The following KIF3C variants were observed in gnomAD, a reference collection of about 807,000 sequenced individuals.
KIF3C encodes kinesin-like protein KIF3C.
KIF3C carries 12 observed loss-of-function variants against 67.7 expected under a neutral mutation model. That is an observed-to-expected ratio of 0.18 (90% CI 0.11 to 0.29). The LOEUF is 0.29. Among genes scored for constraint, KIF3C ranks in the 10% least tolerant of loss-of-function variants. KIF3C has a pLI of 1.00. For synonymous variants in KIF3C, 393 were observed against 426.2 expected, an observed-to-expected ratio of 0.92 and a Z score of 0.96; for missense variants, 789 against 1,059.6, an observed-to-expected ratio of 0.74 and a Z score of 3.55.
Position 25,928,692 on chromosome 2 carries a change from C to T in KIF3C, c.*286G>A, listed in dbSNP as rs968941961. ...AGCCTGAGATCTGACTGGGGGAGCT[C>T]TCAAGTCAGAAGAAAAAGAGGCTAC... is the stretch of plus-strand genomic sequence containing the variant. On this transcript the variant is annotated 3_prime_UTR_variant, in exon 8 of 8. Transcript: ENST00000264712. The T allele has an allele frequency of 2.6e-5, 7 of 273,880 alleles. No individual in the cohort carries two copies. The highest frequency in any genetic ancestry group is 4.2e-5 in the Non-Finnish European group (6 of 143,608). The allele number at this position is 273,880 out of a possible 1,614,324, so 17.0% of individuals were successfully genotyped here. A position where few individuals can be genotyped will look rare whatever the true frequency, so the allele number is the denominator to read the frequency against.
intron 5 of KIF3C, among the ~76,000 whole-genome samples, chr2:25,947,574 G>A (rs1323073958): frequency 6.7e-6 from 1 of 149,814 alleles, no homozygotes; most frequent in East Asian, 1.9e-4. Flanking sequence ...GAGCGAGACT[G>A]CCTCAAAAAA....
In KIF3C at chr2:25,949,300, G is replaced by A. The variant is rs146617740; in HGVS notation, c.2006+2489C>T. On this transcript the variant is annotated intron_variant, in intron 5 of 7. Coordinates refer to ENST00000264712, the MANE Select transcript of KIF3C (RefSeq NM_002254.8). Reference sequence around the variant, plus strand: ...AAATAAAAAGCTGACGTGGCCAGGCGCAGTGGCTCACGCCTGTAATCCTAG... The same window carrying A: ...AAATAAAAAGCTGACGTGGCCAGGCACAGTGGCTCACGCCTGTAATCCTAG... Among the ~76,000 whole-genome samples, 203 of 152,196 alleles carry A rather than the reference G, an allele frequency of 1.3e-3. 3 individuals carry two copies. The East Asian group carries it at 0.034, about 26-fold the overall frequency.
intron 1 of KIF3C, among the ~76,000 whole-genome samples, chr2:25,960,502 C>T (rs978096002): frequency 4.6e-5 from 7 of 152,146 alleles, no homozygotes; most frequent in Admixed American, 4.6e-4. Context: ...TTTACATGCT[C>T]TCTCGCCTGT....
rs1663863098 is a variant in KIF3C, at chr2:25,958,467, G to C, written c.1546-2023C>G. Among the ~76,000 whole-genome samples the C allele has an allele frequency of 6.6e-6, 1 of 152,104 alleles. No homozygotes were observed. Among genetic ancestry groups the C allele is most frequent in the South Asian group, 2.1e-4 (1 of 4,824 alleles). On this transcript the variant is annotated intron_variant, in intron 1 of 7. Coordinates refer to ENST00000264712, the MANE Select transcript of KIF3C (RefSeq NM_002254.8). The surrounding 1 kb of genome is among the most constrained non-coding windows in gnomAD (Gnocchi z 4.5). ...GTGGTGGCGTGCACCTGTAGTCCTA[G>C]ATACTCAGGAGGCTGAGGCAGGAGA...
At chr2:25,971,271 C>CA (rs35420433) in intron 1 of KIF3C, among the ~76,000 whole-genome samples, 769 of 59,126 alleles carry the variant, frequency 0.013, 6 homozygotes, top group Middle Eastern at 0.034. Context: ...GACTCTGTCT[C>CA]AAAAAAAAAA....
chr2:25,962,930 T>TATATATA (rs1664011719), intron 1 of KIF3C, among the ~76,000 whole-genome samples: 1 of 41,666 alleles, frequency 2.4e-5, no homozygotes, highest in Non-Finnish European at 3.4e-5. Context: ...TAATATATAA[T>TATATATA]ACATATAATA....
chr2:25,947,853 T>C (rs924306349), intron 5 of KIF3C, among the ~76,000 whole-genome samples: 12 of 152,186 alleles, frequency 7.9e-5, no homozygotes, highest in Middle Eastern at 3.2e-3. Flanking sequence ...TTGTTTGCAA[T>C]TGAAGTAAGG....
Position 25,981,562 on chromosome 2 carries a change from A to G in KIF3C, c.356T>C (p.Val119Ala). The change falls in exon 1 of 8, where the codon GTC (valine) becomes GCC (alanine). Residue 119 changes from valine to alanine, a missense_variant. Physicochemically the swap from Val to Ala is moderately conservative, Grantham distance 64 (BLOSUM62 0). Coordinates refer to ENST00000264712, the MANE Select transcript of KIF3C (RefSeq NM_002254.8). This position sits in a 1 kb window ranked among gnomAD's most constrained non-coding sequence, Gnocchi z 8.2. Reference sequence around the variant, plus strand: ...GATGTGCTCAAAGGCATTCGGGATGACCCCGCGCAGCTCGGGCTCCACCCA... The same window carrying G: ...GATGTGCTCAAAGGCATTCGGGATGGCCCCGCGCAGCTCGGGCTCCACCCA... ...GTWVEPELRG[V>A]IPNAFEHIFT... is the part of the protein sequence containing the mutation. The G allele has an allele frequency of 6.2e-7, 1 of 1,613,830 alleles. No individual in the cohort carries two copies. The highest frequency in any genetic ancestry group is 8.5e-7 in the Non-Finnish European group (1 of 1,179,988).
chr2:25,933,240 G>C (rs538975870), intron 5 of KIF3C, among the ~76,000 whole-genome samples: 2 of 148,298 alleles, frequency 1.3e-5, no homozygotes, highest in South Asian at 4.3e-4. Context: ...GACAGAGTGA[G>C]ACTCTGCAAG....
intron 1 of KIF3C, among the ~76,000 whole-genome samples, chr2:25,979,098 G>A (rs1664491865): frequency 1.3e-5 from 2 of 152,168 alleles, no homozygotes; most frequent in South Asian, 2.1e-4. Flanking sequence ...TTCCTGAGAA[G>A]GAATAAGAAA....
chr2:25,942,272 C>T (rs1358274585), intron 5 of KIF3C, among the ~76,000 whole-genome samples: 7 of 145,698 alleles, frequency 4.8e-5, no homozygotes, highest in East Asian at 2.2e-4. Flanking sequence ...GCAGGAGAAT[C>T]GCTTGAGCCT....
intron 1 of KIF3C, among the ~76,000 whole-genome samples, chr2:25,959,356 A>C (rs1663888114): frequency 2.6e-5 from 4 of 152,086 alleles, no homozygotes; most frequent in Admixed American, 2.6e-4. Context: ...TCTTACTCAT[A>C]TCTCTGGGTC....
intron 4 of KIF3C, 145 bp from the exon 5 acceptor site, chr2:25,952,050 G>C (rs1293816919): frequency 2.8e-5 from 17 of 607,234 alleles, no homozygotes; most frequent in South Asian, 1.9e-4. Flanking sequence ...CCAGCACTTT[G>C]GGAGACCAAG....
At chr2:25,940,408 T>C (rs1663251206) in intron 5 of KIF3C, among the ~76,000 whole-genome samples, 1 of 151,676 alleles carries the variant, frequency 6.6e-6, no homozygotes, top group Non-Finnish European at 1.5e-5. Context: ...CCATCTCTAC[T>C]AAAAATACAA....
chr2:25,962,398 A>T (rs1663968433), intron 1 of KIF3C, among the ~76,000 whole-genome samples: 1 of 151,528 alleles, frequency 6.6e-6, no homozygotes, highest in Non-Finnish European at 1.5e-5. Flanking sequence ...TGTTTTTTTG[A>T]GACGGAGTTT....
In KIF3C at chr2:25,980,329, C is replaced by T. The variant is rs1403287340; in HGVS notation, c.1545+44G>A. The T allele has an allele frequency of 6.6e-7, 1 of 1,510,546 alleles. No homozygotes were observed. The highest frequency in any genetic ancestry group is 2.3e-5 in the East Asian group (1 of 44,298). The allele number at this position is 1,510,546 out of a possible 1,614,324, so 93.6% of individuals were successfully genotyped here. A position where few individuals can be genotyped will look rare whatever the true frequency, so the allele number is the denominator to read the frequency against. ...AAGAAGAGCCTCCTTGCCGGGATCC[C>T]CTGCGGGGACATCTCGAGTGCCCAG... On this transcript the variant is annotated intron_variant, in intron 1 of 7. Coordinates refer to ENST00000264712, the MANE Select transcript of KIF3C (RefSeq NM_002254.8). This position sits in a 1 kb window ranked among gnomAD's most constrained non-coding sequence, Gnocchi z 7.6.
chr2:25,945,985 T>C (rs1437843070), intron 5 of KIF3C, among the ~76,000 whole-genome samples: 1 of 150,384 alleles, frequency 6.6e-6, no homozygotes, highest in Non-Finnish European at 1.5e-5. Flanking sequence ...TGGTGGTGGG[T>C]GCCTGTAATC....
chr2:25,929,354 T>C lies in KIF3C; in HGVS notation c.2239A>G (p.Ser747Gly). The C allele has an allele frequency of 2.5e-6, 4 of 1,614,198 alleles. No individual in the cohort carries two copies. Among genetic ancestry groups the C allele is most frequent in the Non-Finnish European group, 3.4e-6 (4 of 1,180,020 alleles). Residue 747 changes from serine to glycine, a missense_variant, in exon 7 of 8, where the codon AGC becomes GGC. Coordinates refer to ENST00000264712, the MANE Select transcript of KIF3C (RefSeq NM_002254.8). Reference sequence around the variant, plus strand: ...GACGTGGAAGGTCTTTCCAGAAAGCTGTCCAATCGCATGAGCCTCTCCATG... The same window carrying C: ...GACGTGGAAGGTCTTTCCAGAAAGCCGTCCAATCGCATGAGCCTCTCCATG... ...LHMERLMRLD[S>G]FLERPSTSKV...
In KIF3C at chr2:25,955,733, G is replaced by C. The variant is rs991697390; in HGVS notation, c.1648-70C>G. 1 of 1,570,928 alleles carries C rather than the reference G, an allele frequency of 6.4e-7. No homozygotes were observed. Among genetic ancestry groups the C allele is most frequent in the African/African-American group, 1.3e-5 (1 of 74,230 alleles). On this transcript the variant is annotated intron_variant, in intron 2 of 7. Transcript: ENST00000264712. This position sits in a 1 kb window ranked among gnomAD's most constrained non-coding sequence, Gnocchi z 5.0. ...TCGGGAGGGCCAGGAAAGCTCAGGG[G>C]ACTGGCTCACTCTGCCTGTCTCGGG... is the stretch of plus-strand genomic sequence containing the variant.
Sources: allele counts gnomAD v4.1 joint callset (sites outside exome capture counted in the v4.1 genomes callset), GRCh38; gene constraint gnomAD v4.1.1; non-coding constraint Gnocchi (gnomAD v3.1); transcripts MANE v1.5; gene names NCBI Gene and HGNC (gene_info 2026-07-23, HGNC 2026-07-21).